The following SLC9D1 variants were observed in gnomAD, a reference collection of about 807,000 sequenced individuals.
The protein encoded by SLC9D1 is solute carrier family 9 member D1, also known as putative LAG1-interacting protein.
the SLC9D1 span, among the ~76,000 whole-genome samples, chr13:113,500,945 A>G: frequency 3.9e-5 from 6 of 152,172 alleles, no homozygotes; most frequent in African/African-American, 1.4e-4. Flanking sequence ...CTGTAAAACT[A>G]TTCTTTCTCC....
At chr13:113,548,388 A>T in the SLC9D1 span, 2 of 1,613,474 alleles carry the variant, frequency 1.2e-6, no homozygotes, top group Non-Finnish European at 1.7e-6. Flanking sequence ...GGGCTTGCCC[A>T]GGTCAGCGAG....
the SLC9D1 span, chr13:113,510,336 G>A: frequency 6.2e-7 from 1 of 1,614,234 alleles, no homozygotes; most frequent in Non-Finnish European, 8.5e-7. Context: ...AACCCACGCA[G>A]AGCGTCTTCA....
At chr13:113,531,329 A>C in the SLC9D1 span, among the ~76,000 whole-genome samples, 1 of 152,186 alleles carries the variant, frequency 6.6e-6, no homozygotes, top group South Asian at 2.1e-4. Flanking sequence ...TTGTCCACTC[A>C]CCTGTCCGCA....
the SLC9D1 span, among the ~76,000 whole-genome samples, chr13:113,540,769 G>T: frequency 6.6e-6 from 1 of 152,206 alleles, no homozygotes; most frequent in Non-Finnish European, 1.5e-5. Context: ...CGTTGCGATT[G>T]CGTTTGTAGT....
At chr13:113,516,153 G>A in the SLC9D1 span, among the ~76,000 whole-genome samples, 1 of 152,194 alleles carries the variant, frequency 6.6e-6, no homozygotes, top group Non-Finnish European at 1.5e-5. Context: ...AGGGTAGAGT[G>A]GAGGTTAGTG....
chr13:113,530,452 G>A, the SLC9D1 span: 2 of 152,062 alleles, frequency 1.3e-5, no homozygotes, highest in South Asian at 2.1e-4. Flanking sequence ...ATATATATAT[G>A]TATATATAAC....
the SLC9D1 span, chr13:113,524,159 G>T: frequency 2.2e-6 from 1 of 456,602 alleles, no homozygotes; most frequent in South Asian, 1.5e-5. Flanking sequence ...TCTTGCTGTA[G>T]TTGTATCAGT....
the SLC9D1 span, among the ~76,000 whole-genome samples, chr13:113,506,546 C>CGTGT: frequency 3.0e-5 from 4 of 134,314 alleles, no homozygotes; most frequent in African/African-American, 1.3e-4. Context: ...GCAGCATGGG[C>CGTGT]GTGTGTGTGT....
the SLC9D1 span, among the ~76,000 whole-genome samples, chr13:113,503,336 A>G: frequency 8.3e-6 from 1 of 120,018 alleles, no homozygotes; most frequent in Non-Finnish European, 1.6e-5. Context: ...ATCGAAGTAC[A>G]CTGTGTGATT....
chr13:113,540,679 T>C, the SLC9D1 span, among the ~76,000 whole-genome samples: 1 of 152,240 alleles, frequency 6.6e-6, no homozygotes, highest in African/African-American at 2.4e-5. Context: ...CTCGCATTCG[T>C]AGGCTGTCTG....
chr13:113,502,508 T>C, the SLC9D1 span, among the ~76,000 whole-genome samples: 2 of 152,166 alleles, frequency 1.3e-5, no homozygotes, highest in Non-Finnish European at 2.9e-5. Context: ...CCACCCTGCC[T>C]GGCCCATTAA....
the SLC9D1 span, chr13:113,503,369 G>A: frequency 3.2e-6 from 2 of 624,366 alleles, no homozygotes; most frequent in East Asian, 2.7e-5. Flanking sequence ...GTGTGTGTGT[G>A]TGTGTGTGTG....
chr13:113,517,439 A>G, the SLC9D1 span, among the ~76,000 whole-genome samples: 14 of 152,264 alleles, frequency 9.2e-5, no homozygotes, highest in Non-Finnish European at 1.0e-4. Flanking sequence ...CGTGTTAGCC[A>G]GGATGGTCTC....
the SLC9D1 span, chr13:113,547,244 T>C: frequency 1.5e-6 from 2 of 1,294,820 alleles, no homozygotes; most frequent in East Asian, 2.3e-5. Context: ...TGAGAAATAG[T>C]GTGCGCTGGG....
At chr13:113,548,434 G>T in the SLC9D1 span, 1 of 1,610,712 alleles carries the variant, frequency 6.2e-7, no homozygotes, top group South Asian at 1.1e-5. Flanking sequence ...CGCGAAGAGC[G>T]GGCGTCATCT....
chr13:113,510,397 A>G, the SLC9D1 span: 65 of 1,613,240 alleles, frequency 4.0e-5, no homozygotes, highest in Non-Finnish European at 5.2e-5. Context: ...CAGGTTCCTC[A>G]TGGGCAGTGC....
chr13:113,528,753 T>C, the SLC9D1 span: 1 of 152,196 alleles, frequency 6.6e-6, no homozygotes, highest in Non-Finnish European at 1.5e-5. Flanking sequence ...AGAGGGTCCT[T>C]ATCATGGCCA....
the SLC9D1 span, chr13:113,505,285 A>G: frequency 2.0e-4 from 30 of 152,296 alleles, no homozygotes; most frequent in African/African-American, 6.3e-4. Context: ...CTGTCTAGCA[A>G]TTTGACCTAA....
the SLC9D1 span, among the ~76,000 whole-genome samples, chr13:113,531,913 C>T: frequency 6.6e-6 from 1 of 152,214 alleles, no homozygotes; most frequent in Non-Finnish European, 1.5e-5. Flanking sequence ...GGGATGGTGG[C>T]TGTGGAGAGC....
Sources: allele counts gnomAD v4.1 joint callset (sites outside exome capture counted in the v4.1 genomes callset), GRCh38; gene constraint gnomAD v4.1.1; transcripts MANE v1.5; gene names NCBI Gene and HGNC (gene_info 2026-07-23, HGNC 2026-07-21).